The following GTF2I variants were observed in gnomAD, a reference collection of about 807,000 sequenced individuals.
GTF2I encodes the protein general transcription factor II-I.
In GTF2I, 12 loss-of-function variants were observed where a neutral mutation model predicts 67.6. The ratio of observed to expected loss-of-function variants is 0.18; its 90% CI spans 0.11 to 0.29. The LOEUF (loss-of-function observed/expected upper bound fraction) is 0.29, where lower values mean the gene tolerates loss of function less well. GTF2I is among the 10% of genes least tolerant of loss of function. The pLI is 1.00. For synonymous variants in GTF2I, 149 were observed against 197.0 expected, an observed-to-expected ratio of 0.76 and a Z score of 2.04; for missense variants, 271 against 580.1, an observed-to-expected ratio of 0.47 and a Z score of 5.47.
At chr7:74,686,822 C>G (rs587748264) in intron 1 of GTF2I, among the ~76,000 whole-genome samples, 32 of 151,888 alleles carry the variant, frequency 2.1e-4, no homozygotes, top group African/African-American at 7.2e-4. Context: ...GTCAGGGACC[C>G]TTGTGTTGGG....
In GTF2I at chr7:74,700,323, G is replaced by A; in HGVS notation, c.450G>A (p.Val150=). The part of the protein sequence containing the change: ...KMLRDQSAVV[V]QGLPEGVAFK... ...TGCGAGACCAGTCGGCTGTGGTAGT[G>A]CAGGGGCTTCCGGAAGGTGTTGCCT... The change falls in exon 5 of 35, where the codon GTG becomes GTA. Residue 150 remains valine, a synonymous_variant. Coordinates refer to ENST00000573035, the MANE Select transcript of GTF2I (RefSeq NM_032999.4). 1 of 1,614,150 alleles carries A rather than the reference G, an allele frequency of 6.2e-7. No homozygotes were observed. Among genetic ancestry groups the A allele is most frequent in the Non-Finnish European group, 8.5e-7 (1 of 1,180,034 alleles).
In GTF2I at chr7:74,700,298, T is replaced by A; in HGVS notation, c.425T>A (p.Leu142Gln). 1 of 1,614,198 alleles carries A rather than the reference T, an allele frequency of 6.2e-7. No homozygotes were observed. The highest frequency in any genetic ancestry group is 1.1e-5 in the South Asian group (1 of 91,078). The change falls in exon 5 of 35, where the codon CTG becomes CAG. Residue 142 changes from leucine (L) to glutamine (Q), a missense_variant. By Grantham distance (113) the Leu-to-Gln change is moderately radical. Around this residue, in one of 9 missense-constraint regions of GTF2I, gnomAD observed 38 missense variants for 87.8 expected, o/e 0.43. Coordinates refer to ENST00000573035, the MANE Select transcript of GTF2I (RefSeq NM_032999.4). ...GTACCTGTACCATATGAGAAGATGCTGCGAGACCAGTCGGCTGTGGTAGTG... is the reference window on the plus strand; with the variant it reads ...GTACCTGTACCATATGAGAAGATGCAGCGAGACCAGTCGGCTGTGGTAGTG... ...TVVPVPYEKMLRDQSAVVVQG... is the reference protein window; with the variant it reads ...TVVPVPYEKMQRDQSAVVVQG...
chr7:74,725,097 A>G (rs587672598), intron 12 of GTF2I, among the ~76,000 whole-genome samples: 2 of 152,206 alleles, frequency 1.3e-5, no homozygotes, highest in African/African-American at 2.4e-5. Context: ...AATGCCCAGT[A>G]TGTGAGGGCA....
intron 1 of GTF2I, among the ~76,000 whole-genome samples, chr7:74,664,355 A>G (rs587620078): frequency 1.3e-5 from 2 of 152,314 alleles, no homozygotes; most frequent in Admixed American, 1.3e-4. Flanking sequence ...CTACTGAGAA[A>G]GTAAGAGAAA....
chr7:74,705,962 T>C (rs1276270920), intron 7 of GTF2I, among the ~76,000 whole-genome samples: 6 of 152,128 alleles, frequency 3.9e-5, no homozygotes, highest in Admixed American at 2.0e-4. Flanking sequence ...ATAACTCTTT[T>C]TTTTTGTGGA....
At chr7:74,689,587 C>T (rs959623671) in intron 2 of GTF2I, among the ~76,000 whole-genome samples, 1 of 151,916 alleles carries the variant, frequency 6.6e-6, no homozygotes, top group Non-Finnish European at 1.5e-5. Flanking sequence ...AACTCCTGAC[C>T]TCTTGATCCA....
intron 14 of GTF2I, among the ~76,000 whole-genome samples, chr7:74,731,038 A>G (rs1231948681): frequency 4.7e-5 from 7 of 149,464 alleles, no homozygotes; most frequent in South Asian, 2.1e-4. Flanking sequence ...AACTGAGTTG[A>G]TGCTAGATTT....
At chr7:74,682,787 C>T (rs1443346458) in intron 1 of GTF2I, among the ~76,000 whole-genome samples, 2 of 152,108 alleles carry the variant, frequency 1.3e-5, no homozygotes, top group Non-Finnish European at 2.9e-5. Context: ...ATAACTGCCC[C>T]ATTACCAAAG....
chr7:74,659,015 C>A (rs1214502926), intron 1 of GTF2I, among the ~76,000 whole-genome samples: 1 of 152,118 alleles, frequency 6.6e-6, no homozygotes, highest in African/African-American at 2.4e-5. Context: ...GGGATGTTCA[C>A]AGGTGGGGTG....
At chr7:74,685,717 A>T (rs1787655578) in intron 1 of GTF2I, among the ~76,000 whole-genome samples, 1 of 152,080 alleles carries the variant, frequency 6.6e-6, no homozygotes, top group Admixed American at 6.6e-5. Flanking sequence ...CAGGGAACCC[A>T]GAACGTGCCA....
intron 1 of GTF2I, among the ~76,000 whole-genome samples, chr7:74,686,911 A>T: frequency 6.8e-6 from 1 of 147,988 alleles, no homozygotes. Flanking sequence ...TTTTTTTGAG[A>T]TAGAGTCTTG....
At chr7:74,688,938 TAG>T (rs1272700940) in intron 1 of GTF2I, 184 bp from the exon 2 acceptor site, 1 of 501,596 alleles carries the variant, frequency 2.0e-6, no homozygotes, top group East Asian at 3.2e-5. Flanking sequence ...TATAGAAAAT[TAG>T]GGGATAGATT....
intron 2 of GTF2I, 70 bp downstream of exon 2, chr7:74,689,297 G>A (rs924286598): frequency 1.1e-5 from 7 of 641,556 alleles, no homozygotes; most frequent in South Asian, 2.3e-5. Context: ...ATTTGTTTTT[G>A]TGGAAGATAG....
At chr7:74,668,318 A>C (rs925678773) in intron 1 of GTF2I, among the ~76,000 whole-genome samples, 1 of 128,570 alleles carries the variant, frequency 7.8e-6, no homozygotes, top group Non-Finnish European at 1.6e-5. Context: ...GTTTTGTAGC[A>C]TGGCAAAGCC....
rs587645156 is a variant in GTF2I, at chr7:74,669,045, G to T, written c.-6+10977G>T. The stretch of plus-strand genomic sequence containing the variant: ...CCACCACGCCCGGCCCAAAAGAAGG[G>T]ATCTTTTATCATGTCGGGAACAGTA... On this transcript the variant is annotated intron_variant, in intron 1 of 34. Transcript: ENST00000573035. Among the ~76,000 whole-genome samples, 60 of 151,908 alleles carry T rather than the reference G, an allele frequency of 3.9e-4. 2 individuals carry two copies. In the South Asian group the frequency reaches 0.012, roughly 31 times the overall value.
intron 1 of GTF2I, among the ~76,000 whole-genome samples, chr7:74,669,959 CTT>C (rs1805312732): frequency 2.0e-5 from 3 of 152,248 alleles, no homozygotes; most frequent in South Asian, 2.1e-4. Context: ...TATTTTGACA[CTT>C]GTCTCATTAA....
chr7:74,718,792 T>C (rs1427618993), intron 11 of GTF2I, 87 bp from the exon 12 acceptor site: 14 of 663,728 alleles, frequency 2.1e-5, no homozygotes, highest in Non-Finnish European at 3.6e-5. Context: ...AGTAGGCTGC[T>C]TTTGGAGTAT....
intron 4 of GTF2I, 104 bp from the exon 5 acceptor site, chr7:74,700,143 A>C: frequency 1.7e-6 from 2 of 1,148,038 alleles, no homozygotes; most frequent in Non-Finnish European, 1.2e-6. Context: ...ATCATATATT[A>C]TAAAAAATCA....
intron 3 of GTF2I, among the ~76,000 whole-genome samples, chr7:74,695,840 T>C (rs977085701): frequency 2.6e-5 from 4 of 152,152 alleles, no homozygotes; most frequent in African/African-American, 9.7e-5. Context: ...ACCAATACCA[T>C]AAGCCCGCCT....
Sources: allele counts gnomAD v4.1 joint callset (sites outside exome capture counted in the v4.1 genomes callset), GRCh38; gene constraint gnomAD v4.1.1; regional missense constraint gnomAD v4.1.1; transcripts MANE v1.5; gene names NCBI Gene and HGNC (gene_info 2026-07-23, HGNC 2026-07-21).